SNX18: variants seen among roughly 807,000 people sequenced by gnomAD.
SNX18 encodes sorting nexin-18.
In SNX18, 35 loss-of-function variants were observed where a neutral mutation model predicts 48.7. The observed-to-expected ratio is 0.72, with a 90% CI of 0.55 to 0.95. The LOEUF (loss-of-function observed/expected upper bound fraction) is 0.95, where lower values mean the gene tolerates loss of function less well. SNX18 is among the 40% of genes least tolerant of loss of function. The pLI, the probability that SNX18 is intolerant of heterozygous loss-of-function variation, is 0.00. For synonymous variants in SNX18, 492 were observed against 384.7 expected (o/e 1.28, Z -3.26); for missense variants, 824 against 871.0 (o/e 0.95, Z 0.68).
At chr5:54,580,824 C>A in the SNX18 span, among the ~76,000 whole-genome samples, 1 of 152,192 alleles carries the variant, frequency 6.6e-6, no homozygotes, top group South Asian at 2.1e-4. Context: ...CAGTATGTTT[C>A]TTGGGTAAAT....
At chr5:54,627,748 G>T in the SNX18 span, among the ~76,000 whole-genome samples, 1 of 152,144 alleles carries the variant, frequency 6.6e-6, no homozygotes. Context: ...CTGGGGCTGA[G>T]TTCACCAAAG....
At chr5:54,619,153 C>T in the SNX18 span, among the ~76,000 whole-genome samples, 6 of 151,982 alleles carry the variant, frequency 3.9e-5, no homozygotes, top group Admixed American at 1.3e-4. Flanking sequence ...GGAAGGCCCC[C>T]GCTCCAAAGA....
At chr5:54,585,313 AC>A in the SNX18 span, among the ~76,000 whole-genome samples, 3 of 150,198 alleles carry the variant, frequency 2.0e-5, no homozygotes, top group African/African-American at 4.9e-5. Flanking sequence ...AAAAAAAAAA[AC>A]AGAGTAATAT....
the SNX18 span, among the ~76,000 whole-genome samples, chr5:54,570,584 A>G: frequency 6.6e-6 from 1 of 152,216 alleles, no homozygotes; most frequent in Admixed American, 6.5e-5. Context: ...GCAATTAAGT[A>G]CATGGCTCAT....
At chr5:54,632,761 G>A in the SNX18 span, among the ~76,000 whole-genome samples, 6 of 151,894 alleles carry the variant, frequency 4.0e-5, no homozygotes, top group African/African-American at 1.5e-4. Context: ...CTAAACCCAG[G>A]GCAGTAATTT....
At chr5:54,606,339 A>G in the SNX18 span, among the ~76,000 whole-genome samples, 1 of 152,374 alleles carries the variant, frequency 6.6e-6, no homozygotes, top group African/African-American at 2.4e-5. Flanking sequence ...TATCATAAAA[A>G]TAATCAGTTT....
the SNX18 span, among the ~76,000 whole-genome samples, chr5:54,591,773 A>AAAT: frequency 6.6e-6 from 1 of 152,252 alleles, no homozygotes; most frequent in Admixed American, 6.5e-5. Context: ...CAGTGCATAC[A>AAAT]AATGTGTTTT....
At chr5:54,611,120 T>G in the SNX18 span, among the ~76,000 whole-genome samples, 4 of 152,194 alleles carry the variant, frequency 2.6e-5, no homozygotes, top group Non-Finnish European at 5.9e-5. Context: ...TTGCTTACTT[T>G]CCAGGTGCTG....
the SNX18 span, among the ~76,000 whole-genome samples, chr5:54,639,107 T>C: frequency 2.0e-5 from 3 of 152,254 alleles, no homozygotes; most frequent in Non-Finnish European, 4.4e-5. Flanking sequence ...AACATTTTAA[T>C]GTTCTGCCAT....
the SNX18 span, among the ~76,000 whole-genome samples, chr5:54,575,216 C>T: frequency 1.8e-4 from 27 of 152,008 alleles, no homozygotes; most frequent in Admixed American, 8.5e-4. Context: ...AAAGCCACCA[C>T]GCCGGAGAGA....
the SNX18 span, chr5:54,645,470 A>T: frequency 6.6e-6 from 1 of 152,204 alleles, no homozygotes; most frequent in Non-Finnish European, 1.5e-5. Context: ...AGTTAGAGAA[A>T]ACTTCTTGGA....
chr5:54,617,289 A>G, the SNX18 span, among the ~76,000 whole-genome samples: 1 of 152,348 alleles, frequency 6.6e-6, no homozygotes, highest in East Asian at 1.9e-4. Context: ...GCAGAACAGA[A>G]CAGAACAGAA....
At chr5:54,601,315 C>T in the SNX18 span, among the ~76,000 whole-genome samples, 2 of 152,188 alleles carry the variant, frequency 1.3e-5, no homozygotes, top group African/African-American at 2.4e-5. Flanking sequence ...TTTTATGTAA[C>T]CATCTAACCA....
chr5:54,598,350 C>T, the SNX18 span, among the ~76,000 whole-genome samples: 1 of 152,120 alleles, frequency 6.6e-6, no homozygotes, highest in South Asian at 2.1e-4. Flanking sequence ...TTATTCCAAA[C>T]AATTGAAAAG....
At chr5:54,575,666 C>T in the SNX18 span, among the ~76,000 whole-genome samples, 2 of 151,962 alleles carry the variant, frequency 1.3e-5, no homozygotes, top group Non-Finnish European at 2.9e-5. Context: ...ATCCTGCAGA[C>T]CCCCCTTTTT....
the SNX18 span, among the ~76,000 whole-genome samples, chr5:54,563,794 C>T: frequency 4.6e-5 from 7 of 152,048 alleles, no homozygotes; most frequent in African/African-American, 1.7e-4. Context: ...TTACATTTCC[C>T]CTTCTATTTG....
At position 54,543,441 on chromosome 5, in the gene SNX18, C is replaced by T. The variant is rs187063082; in HGVS notation, c.*9C>T. 9.9e-6 allele frequency: 16 copies of T among 1,610,620 alleles called. No individual in the cohort carries two copies. The highest frequency in any genetic ancestry group is 1.7e-4 in the Middle Eastern group (1 of 5,952). On this transcript the variant is annotated 3_prime_UTR_variant, in exon 2 of 2. Transcript: ENST00000381410. ...AATATGATAGTGTTTAATGACTGGA[C>T]GTTGGATTATGGACTTTTTCAGTTC...
the SNX18 span, among the ~76,000 whole-genome samples, chr5:54,616,791 A>G: frequency 6.6e-6 from 1 of 152,056 alleles, no homozygotes; most frequent in Admixed American, 6.6e-5. Flanking sequence ...AAAAATGTGC[A>G]TCTTAGAATA....
the SNX18 span, among the ~76,000 whole-genome samples, chr5:54,639,611 C>T: frequency 6.6e-6 from 1 of 151,742 alleles, no homozygotes; most frequent in African/African-American, 2.4e-5. Flanking sequence ...TTATTTTTCA[C>T]GAGAATCTTG....
Sources: gnomAD v4.1 joint callset for allele counts (sites outside exome capture counted in the v4.1 genomes callset) on GRCh38, gnomAD v4.1.1 for gene constraint, MANE v1.5 for transcripts, NCBI Gene and HGNC (gene_info 2026-07-23, HGNC 2026-07-21) for gene names.